The following MAP3K15 variants were observed in gnomAD, a reference collection of about 807,000 sequenced individuals.
The protein encoded by MAP3K15 is mitogen-activated protein kinase kinase kinase 15.
Under a neutral mutation model 99.5 loss-of-function variants are expected in MAP3K15, and 124 were observed. The observed-to-expected ratio is 1.25, with a 90% CI of 1.08 to 1.45. MAP3K15 has a LOEUF of 1.45. Ranked by LOEUF, MAP3K15 falls within the 40% of genes most tolerant of loss-of-function variation. The probability of loss-of-function intolerance (pLI) is 0.00; values close to 1 mark genes in which losing one functional copy is unlikely to be tolerated. For synonymous variants in MAP3K15, 494 were observed against 439.6 expected, an observed-to-expected ratio of 1.12 and a Z score of -1.55; for missense variants, 1,242 against 1,079.7, an observed-to-expected ratio of 1.15 and a Z score of -2.11.
chrX:19,395,960 A>G (rs2147253007), intron 15 of MAP3K15, among the ~76,000 whole-genome samples: 1 of 112,189 alleles, frequency 8.9e-6, no homozygotes, highest in African/African-American at 3.2e-5. Context: ...TTCCATCAGC[A>G]TAGGCCTCCT....
chrX:19,411,694 C>T (rs2063689626), intron 11 of MAP3K15, among the ~76,000 whole-genome samples: 1 of 109,567 alleles, frequency 9.1e-6, no homozygotes, highest in African/African-American at 3.3e-5. Flanking sequence ...AGAAGGAAGC[C>T]ACGTGGATGC....
chrX:19,429,786 G>GGAAGC (rs2063865268), intron 7 of MAP3K15, among the ~76,000 whole-genome samples: 1 of 71,556 alleles, frequency 1.4e-5, no homozygotes, highest in African/African-American at 9.6e-5. Context: ...GAGAGAGAGA[G>GGAAGC]AGAGAGAGAG....
intron 3 of MAP3K15, among the ~76,000 whole-genome samples, chrX:19,471,069 A>C (rs1176555395): frequency 1.8e-5 from 2 of 111,406 alleles, no homozygotes; most frequent in African/African-American, 6.5e-5. Flanking sequence ...AATAATCAGC[A>C]AACTTGAAGA....
At chrX:19,502,748 G>A (rs2064448844) in intron 1 of MAP3K15, among the ~76,000 whole-genome samples, 2 of 112,100 alleles carry the variant, frequency 1.8e-5, no homozygotes, top group Non-Finnish European at 3.8e-5. Flanking sequence ...TTGAGCCCGG[G>A]AAAGTGGAGG....
At chrX:19,389,170 G>A (rs1357101985) in intron 18 of MAP3K15, among the ~76,000 whole-genome samples, 1 of 110,455 alleles carries the variant, frequency 9.1e-6, no homozygotes, top group Non-Finnish European at 1.9e-5. Flanking sequence ...CAAGGGGCAC[G>A]GGGTCTGCTA....
At position 19,425,605 on chromosome X, in the gene MAP3K15, G is replaced by A. The variant is rs1055385203; in HGVS notation, c.1365C>T (p.Val455=). The change falls in exon 9 of 29, where the codon GTC becomes GTT. Residue 455 remains valine, a synonymous_variant. Coordinates refer to ENST00000338883, the MANE Select transcript of MAP3K15 (RefSeq NM_001001671.4). ...NYWDVGQFFS[V]SMLAHDVGKA... Reference sequence around the variant, plus strand: ...TCCCGACATCATGGGCCAGCATGCTGACGCTGAAGAACTGACCCACATCCC... The same window carrying A: ...TCCCGACATCATGGGCCAGCATGCTAACGCTGAAGAACTGACCCACATCCC... 5 of 1,197,484 alleles carry A rather than the reference G, an allele frequency of 4.2e-6. No individual in the cohort carries two copies. The highest frequency in any genetic ancestry group is 5.6e-6 in the Non-Finnish European group (5 of 894,148).
At chrX:19,483,236 C>A (rs2064303196) in intron 3 of MAP3K15, among the ~76,000 whole-genome samples, 1 of 97,526 alleles carries the variant, frequency 1.0e-5, no homozygotes, top group Non-Finnish European at 2.0e-5. Context: ...CCAGCCTGGG[C>A]TACAGGGCAA....
chrX:19,435,596 C>T (rs755189782), intron 6 of MAP3K15, among the ~76,000 whole-genome samples: 11 of 112,168 alleles, frequency 9.8e-5, no homozygotes, highest in Non-Finnish European at 1.9e-4. Context: ...AAAAATCAAA[C>T]ATTTGAAAAA....
Position 19,374,574 on chromosome X carries a change from G to A in MAP3K15, c.2676C>T (p.Asp892=), listed in dbSNP as rs2063404288. The A allele has an allele frequency of 1.7e-6, 2 of 1,211,411 alleles. No homozygotes were observed. The highest frequency in any genetic ancestry group is 5.9e-5 in the East Asian group (2 of 33,839). The change falls in exon 20 of 29, where the codon GAC becomes GAT. Residue 892 remains aspartate (D), a synonymous_variant. Coordinates refer to ENST00000338883, the MANE Select transcript of MAP3K15 (RefSeq NM_001001671.4). ...RAFILSCFEP[D]PHKRATTAEL... ...CAGCAGTGGTGGCACGTTTGTGGGG[G>A]TCAGGCTCGAAACAGGATAAAATGA... is the stretch of plus-strand genomic sequence containing the variant.
At chrX:19,485,969 A>C (rs1488230639) in intron 3 of MAP3K15, among the ~76,000 whole-genome samples, 1 of 111,873 alleles carries the variant, frequency 8.9e-6, no homozygotes, top group Non-Finnish European at 1.9e-5. Flanking sequence ...AATTTCAGGA[A>C]CTTTTAAGCC....
chrX:19,476,454 G>A (rs1293468556), intron 3 of MAP3K15, among the ~76,000 whole-genome samples: 1 of 111,838 alleles, frequency 8.9e-6, no homozygotes, highest in African/African-American at 3.3e-5. Context: ...ATGTGACCAG[G>A]TATGACAAAG....
intron 6 of MAP3K15, among the ~76,000 whole-genome samples, chrX:19,437,407 C>T (rs1335219727): frequency 9.0e-6 from 1 of 111,616 alleles, no homozygotes; most frequent in East Asian, 2.8e-4. Context: ...ATTTCTCCAA[C>T]CTCATCTCTT....
chrX:19,458,252 G>C (rs773740204), intron 5 of MAP3K15, among the ~76,000 whole-genome samples: 1 of 112,443 alleles, frequency 8.9e-6, no homozygotes, highest in Admixed American at 9.4e-5. Flanking sequence ...GTTATGAAAA[G>C]AAGGGATACA....
At chrX:19,383,626 C>T (rs779362669) in intron 18 of MAP3K15, among the ~76,000 whole-genome samples, 2 of 112,252 alleles carry the variant, frequency 1.8e-5, no homozygotes, top group Non-Finnish European at 3.8e-5. Flanking sequence ...GCTCACACAA[C>T]TCTATAAGAA....
At chrX:19,505,927 T>C (rs2064473495) in intron 1 of MAP3K15, among the ~76,000 whole-genome samples, 1 of 108,447 alleles carries the variant, frequency 9.2e-6, no homozygotes, top group South Asian at 4.1e-4. Flanking sequence ...TTGGGGTTTT[T>C]TGTTTGTTTT....
intron 6 of MAP3K15, among the ~76,000 whole-genome samples, chrX:19,447,114 T>TG (rs2064003948): frequency 9.0e-6 from 1 of 110,588 alleles, no homozygotes; most frequent in South Asian, 3.8e-4. Flanking sequence ...GACGGGGTCT[T>TG]GCTATGTTGC....
chrX:19,406,597 G>A (rs1025775592), intron 13 of MAP3K15, among the ~76,000 whole-genome samples: 25 of 112,666 alleles, frequency 2.2e-4, no homozygotes, highest in African/African-American at 8.1e-4. Flanking sequence ...AATGAGGAAT[G>A]ACTCTATGGA....
chrX:19,494,717 C>T (rs1569242943), intron 1 of MAP3K15, among the ~76,000 whole-genome samples: 2 of 110,242 alleles, frequency 1.8e-5, no homozygotes, highest in Non-Finnish European at 3.8e-5. Flanking sequence ...ATCCTTAAGT[C>T]TATCTAACTC....
rs746207636 is a variant in MAP3K15 at position 19,370,217 on chromosome X, T to C, written c.3400+742A>G. ...CTTTGGTAACATTTCAAAAAGGAAATTGACAAAAACCAAAAACTTCTGTAA... is the reference window on the plus strand; with the variant it reads ...CTTTGGTAACATTTCAAAAAGGAAACTGACAAAAACCAAAAACTTCTGTAA... On this transcript the variant is annotated intron_variant, in intron 24 of 28. Transcript: ENST00000338883. 9.0e-5 allele frequency among the ~76,000 whole-genome samples: 10 copies of C among 111,388 alleles called. No homozygotes were observed. The South Asian group carries it at 2.6e-3, about 29-fold the overall frequency.
Sources: allele counts gnomAD v4.1 joint callset (sites outside exome capture counted in the v4.1 genomes callset), GRCh38; gene constraint gnomAD v4.1.1; transcripts MANE v1.5; gene names NCBI Gene and HGNC (gene_info 2026-07-23, HGNC 2026-07-21).